PLD1: variants seen among roughly 807,000 people sequenced by gnomAD.
PLD1 encodes choline phosphatase 1.
Under a neutral mutation model 137.1 loss-of-function variants are expected in PLD1, and 112 were observed. That is an observed-to-expected ratio of 0.82 (90% CI 0.70 to 0.96). The LOEUF (loss-of-function observed/expected upper bound fraction) is 0.96. PLD1 is among the 40% of genes least tolerant of loss of function. The probability of loss-of-function intolerance (pLI) is 0.00; values close to 1 mark genes in which losing one functional copy is unlikely to be tolerated. For synonymous variants in PLD1, 431 were observed against 454.7 expected, an observed-to-expected ratio of 0.95 and a Z score of 0.66; for missense variants, 1,321 against 1,342.0, an observed-to-expected ratio of 0.98 and a Z score of 0.24.
intron 24 of PLD1, among the ~76,000 whole-genome samples, chr3:171,620,088 A>G (rs1301418277): frequency 6.6e-6 from 1 of 152,168 alleles, no homozygotes; most frequent in Non-Finnish European, 1.5e-5. Flanking sequence ...AAGAGATGAT[A>G]AATGCTTGAA....
intron 11 of PLD1, among the ~76,000 whole-genome samples, chr3:171,700,945 T>G (rs1249089996): frequency 6.6e-6 from 1 of 152,218 alleles, no homozygotes; most frequent in East Asian, 1.9e-4. Context: ...AATACTCCTT[T>G]CTCCACTGAA....
intron 21 of PLD1, among the ~76,000 whole-genome samples, chr3:171,651,350 A>G (rs1340276021): frequency 6.7e-6 from 1 of 149,630 alleles, no homozygotes; most frequent in African/African-American, 2.5e-5. Flanking sequence ...GTGTGTGTGT[A>G]AAGAGAATTT....
In PLD1 at chr3:171,661,544, TA is replaced by T. The variant is rs1314044705; in HGVS notation, c.2340+515del. Among the ~76,000 whole-genome samples the T allele has an allele frequency of 3.9e-5, 6 of 152,272 alleles. No homozygotes were observed. The East Asian group carries it at 1.2e-3, about 29-fold the overall frequency. ...GGATGAAAAAAAGCTTCCTAATCAA[TA>T]GTAGTTCACACAGGATTGAAGAAGG... On this transcript the variant is annotated intron_variant, in intron 20 of 26. Transcript: ENST00000351298.
rs1377956628 is a variant in PLD1, at chr3:171,713,970, T to C, written c.834A>G (p.Val278=). The C allele has an allele frequency of 1.2e-6, 2 of 1,610,716 alleles. No individual in the cohort carries two copies. The highest frequency in any genetic ancestry group is 1.7e-6 in the Non-Finnish European group (2 of 1,176,790). The part of the protein sequence containing the change: ...DSGAIAFVLL[V]DKEFKIKVGK... The stretch of plus-strand genomic sequence containing the variant: ...CCACCTTAATTTTGAATTCTTTGTC[T>C]ACCAGCAGGACGAAGGCAATGGCAC... Residue 278 remains valine, a synonymous_variant, in exon 9 of 27, where the codon GTA becomes GTG. Transcript: ENST00000351298.
chr3:171,693,491 T>G (rs1169220682), intron 12 of PLD1, among the ~76,000 whole-genome samples: 1 of 152,042 alleles, frequency 6.6e-6, no homozygotes, highest in East Asian at 1.9e-4. Context: ...CCCCCTCCAA[T>G]GTATAGTTCA....
intron 16 of PLD1, among the ~76,000 whole-genome samples, chr3:171,681,757 C>T (rs954363046): frequency 6.6e-6 from 1 of 152,080 alleles, no homozygotes; most frequent in African/African-American, 2.4e-5. Context: ...TCATGCTCAC[C>T]TATTAGATAA....
Position 171,735,487 on chromosome 3 carries a change from G to A in PLD1, c.434+5C>T, listed in dbSNP as rs766253776. ...TACTGGCATAATTAATTCCAAAATGGTTACCTTCTAGTGGGAATGGGGATG... is the reference window on the plus strand; with the variant it reads ...TACTGGCATAATTAATTCCAAAATGATTACCTTCTAGTGGGAATGGGGATG... On this transcript the variant is annotated splice_donor_5th_base_variant and intron_variant, in intron 4 of 26. Coordinates refer to ENST00000351298, the MANE Select transcript of PLD1 (RefSeq NM_002662.5). 9 of 1,612,110 alleles carry A rather than the reference G, an allele frequency of 5.6e-6. No individual in the cohort carries two copies. In the South Asian group the frequency reaches 9.9e-5, roughly 18 times the overall value.
At chr3:171,735,150 G>T (rs1578380369) in intron 4 of PLD1, among the ~76,000 whole-genome samples, 180 bp from the exon 5 acceptor site, 1 of 152,280 alleles carries the variant, frequency 6.6e-6, no homozygotes, top group South Asian at 2.1e-4. Flanking sequence ...TTATTTTAAA[G>T]ATTGGATGTA....
At chr3:171,645,959 T>C (rs1736177013) in intron 21 of PLD1, among the ~76,000 whole-genome samples, 2 of 146,442 alleles carry the variant, frequency 1.4e-5, no homozygotes, top group South Asian at 4.4e-4. Context: ...TACAACACAA[T>C]ATTTCATGTC....
At chr3:171,648,733 T>C (rs1311824276) in intron 21 of PLD1, among the ~76,000 whole-genome samples, 2 of 152,150 alleles carry the variant, frequency 1.3e-5, no homozygotes, top group Non-Finnish European at 2.9e-5. Flanking sequence ...TTTTTGTATT[T>C]TTAGCAGAGA....
intron 23 of PLD1, among the ~76,000 whole-genome samples, chr3:171,639,598 CATATA>C (rs1374283550): frequency 2.6e-5 from 2 of 76,392 alleles, no homozygotes; most frequent in African/African-American, 6.8e-5. Context: ...AATATATATT[CATATA>C]ATATATATTA....
In PLD1 at chr3:171,662,073, T is replaced by C. The variant is rs769801782; in HGVS notation, c.2327A>G (p.Tyr776Cys). 5.7e-6 allele frequency: 9 copies of C among 1,590,762 alleles called. No homozygotes were observed. Among genetic ancestry groups the C allele is most frequent in the South Asian group, 2.2e-5 (2 of 90,502 alleles). Residue 776 changes from tyrosine to cysteine, a missense_variant, in exon 20 of 27, where the codon TAT (tyrosine) becomes TGT (cysteine). Transcript: ENST00000351298. Reference sequence around the variant, plus strand: ...AGCAAGACTTACTTCGATATAGATATAGTGCCTGCTGTTCTCTATCACATG... The same window carrying C: ...AGCAAGACTTACTTCGATATAGATACAGTGCCTGCTGTTCTCTATCACATG... ...YVHVIENSRH[Y>C]IYIENQFFIS...
chr3:171,781,520 G>T (rs1413573461), intron 1 of PLD1, among the ~76,000 whole-genome samples: 1 of 152,006 alleles, frequency 6.6e-6, no homozygotes, highest in Non-Finnish European at 1.5e-5. Flanking sequence ...ATCTGACAAA[G>T]AACTAATATT....
At chr3:171,606,293 G>A (rs1198446283) in intron 25 of PLD1, among the ~76,000 whole-genome samples, 14 of 152,220 alleles carry the variant, frequency 9.2e-5, no homozygotes, top group Admixed American at 9.2e-4. Flanking sequence ...GAGCTGGTTT[G>A]TGGGAGATCA....
chr3:171,654,887 A>G (rs1737063131), intron 21 of PLD1, among the ~76,000 whole-genome samples: 1 of 152,152 alleles, frequency 6.6e-6, no homozygotes. Flanking sequence ...TCAGAACATG[A>G]AGGCTTTGCA....
intron 24 of PLD1, among the ~76,000 whole-genome samples, chr3:171,613,141 G>A (rs1168049974): frequency 6.6e-6 from 1 of 152,166 alleles, no homozygotes. Flanking sequence ...CTGCACTTCA[G>A]CCTGGGCCAA....
intron 1 of PLD1, among the ~76,000 whole-genome samples, chr3:171,738,884 C>T (rs189020750): frequency 1.3e-5 from 2 of 152,310 alleles, no homozygotes; most frequent in East Asian, 3.9e-4. Flanking sequence ...GCTTTGCACA[C>T]TGTCATCAGA....
At chr3:171,778,989 A>G (rs2108339021) in intron 1 of PLD1, among the ~76,000 whole-genome samples, 1 of 152,254 alleles carries the variant, frequency 6.6e-6, no homozygotes, top group East Asian at 1.9e-4. Flanking sequence ...GGAGTTCAAG[A>G]CCAGCCTGGC....
chr3:171,775,568 C>T (rs1722559880), intron 1 of PLD1, among the ~76,000 whole-genome samples: 6 of 151,976 alleles, frequency 3.9e-5, no homozygotes, highest in Admixed American at 6.6e-5. Flanking sequence ...AAGAGCCCAG[C>T]GCAGTGGCTC....
Sources: allele counts gnomAD v4.1 joint callset (sites outside exome capture counted in the v4.1 genomes callset), GRCh38; gene constraint gnomAD v4.1.1; transcripts MANE v1.5; gene names NCBI Gene and HGNC (gene_info 2026-07-23, HGNC 2026-07-21).